REV1: variants seen among roughly 807,000 people sequenced by gnomAD.
REV1 encodes REV1 DNA directed polymerase.
REV1 carries 42 observed loss-of-function variants against 137.4 expected under a neutral mutation model. The observed-to-expected ratio is 0.31, with a 90% confidence interval of 0.24 to 0.40. The LOEUF is 0.40. Ranked by LOEUF, REV1 falls within the 10% of genes least tolerant of loss-of-function variation. The pLI, the probability that REV1 is intolerant of heterozygous loss-of-function variation, is 1.00. For synonymous variants in REV1, 524 were observed against 519.2 expected (o/e 1.01, Z -0.12); for missense variants, 1,282 against 1,490.1 (o/e 0.86, Z 2.30).
At chr2:99,461,021 C>CCTTT (rs3071414) in intron 3 of REV1, among the ~76,000 whole-genome samples, 27 of 151,318 alleles carry the variant, frequency 1.8e-4, no homozygotes, top group Non-Finnish European at 2.8e-4. Flanking sequence ...AGAAGCAATG[C>CCTTT]CTGTTTTCAT....
chr2:99,473,120 C>T (rs1303943166), intron 1 of REV1, among the ~76,000 whole-genome samples: 2 of 152,048 alleles, frequency 1.3e-5, no homozygotes, highest in African/African-American at 4.8e-5. Context: ...AATCCCAGTA[C>T]TTTGGGAGGC....
At position 99,401,053 on chromosome 2, in the gene REV1, AATT is replaced by A. The variant is rs1182288406; in HGVS notation, c.*185_*187del. On this transcript the variant is annotated 3_prime_UTR_variant, in exon 23 of 23. Coordinates refer to ENST00000258428, the MANE Select transcript of REV1 (RefSeq NM_016316.4). ...AATAGAATCTATGCTACAGTAAAAT[AATT>A]AACACAATTATTTACATGCAATACT... The A allele has an allele frequency of 2.5e-6, 1 of 392,724 alleles. No homozygotes were observed. Among genetic ancestry groups the A allele is most frequent in the African/African-American group, 2.2e-5 (1 of 46,444 alleles). The allele number at this position is 392,724 out of a possible 1,614,324, so 24.3% of individuals were successfully genotyped here.
intron 11 of REV1, among the ~76,000 whole-genome samples, chr2:99,419,540 T>C (rs1009684026): frequency 1.3e-5 from 2 of 151,992 alleles, no homozygotes; most frequent in African/African-American, 4.8e-5. Flanking sequence ...TGGGTGTCTG[T>C]AGGAATTGAA....
At chr2:99,463,601 A>G (rs937537016) in intron 2 of REV1, among the ~76,000 whole-genome samples, 12 of 152,126 alleles carry the variant, frequency 7.9e-5, no homozygotes, top group Admixed American at 7.2e-4. Flanking sequence ...ACCAATTACA[A>G]ATTTGACAAG....
chr2:99,454,623 T>TA (rs1683337363), intron 3 of REV1, among the ~76,000 whole-genome samples: 1 of 142,658 alleles, frequency 7.0e-6, no homozygotes, highest in Admixed American at 7.2e-5. Context: ...CACACACCTC[T>TA]AGTCCCAGCT....
intron 13 of REV1, 24 bp downstream of exon 13, chr2:99,412,707 C>T (rs1328921327): frequency 2.6e-6 from 4 of 1,567,630 alleles, no homozygotes; most frequent in African/African-American, 1.4e-5. Context: ...CAACAGATGG[C>T]AAAATCTGTT....
intron 3 of REV1, among the ~76,000 whole-genome samples, chr2:99,459,005 A>C (rs375682750): frequency 1.3e-5 from 2 of 152,008 alleles, no homozygotes; most frequent in African/African-American, 2.4e-5. Flanking sequence ...TCAGGAGATC[A>C]AGACCATACT....
chr2:99,463,333 A>G (rs1684440203), intron 2 of REV1, among the ~76,000 whole-genome samples: 1 of 152,004 alleles, frequency 6.6e-6, no homozygotes, highest in Non-Finnish European at 1.5e-5. Flanking sequence ...CAGCCTGACC[A>G]ACATGGTGAA....
chr2:99,460,968 G>C (rs992280222), intron 3 of REV1, among the ~76,000 whole-genome samples: 1 of 152,094 alleles, frequency 6.6e-6, no homozygotes, highest in Non-Finnish European at 1.5e-5. Context: ...ATGTGAATAA[G>C]GGTGCTCTCT....
chr2:99,407,077 G>GTTTTTTT (rs1293864331), intron 15 of REV1: 8 of 46,778 alleles, frequency 1.7e-4, no homozygotes, highest in Admixed American at 3.1e-4. Context: ...ACCTACAAAG[G>GTTTTTTT]TTCTTTTTTT....
chr2:99,418,713 T>C (rs1678227679), intron 12 of REV1, 115 bp downstream of exon 12: 1 of 976,520 alleles, frequency 1.0e-6, no homozygotes, highest in Non-Finnish European at 1.4e-6. Context: ...CAATAAGACT[T>C]AAAAATTTTT....
At chr2:99,478,280 A>C (rs994128827) in intron 1 of REV1, among the ~76,000 whole-genome samples, 3 of 152,214 alleles carry the variant, frequency 2.0e-5, no homozygotes, top group African/African-American at 7.2e-5. Context: ...CTAGTTTTCC[A>C]GAGTGCGGCC....
chr2:99,445,608 T>C (rs1281625803), intron 4 of REV1, among the ~76,000 whole-genome samples: 2 of 152,226 alleles, frequency 1.3e-5, no homozygotes, highest in African/African-American at 2.4e-5. Context: ...TTCTCATCTA[T>C]TCCACATTTC....
intron 1 of REV1, among the ~76,000 whole-genome samples, chr2:99,478,852 G>C (rs1442289319): frequency 6.6e-6 from 1 of 152,152 alleles, no homozygotes; most frequent in Non-Finnish European, 1.5e-5. Context: ...CACACACTTT[G>C]AGAACCACTG....
intron 1 of REV1, among the ~76,000 whole-genome samples, chr2:99,473,436 T>G (rs1313772049): frequency 6.6e-6 from 1 of 151,724 alleles, no homozygotes. Context: ...AAGGGCACAA[T>G]TTCCCAGAAG....
At chr2:99,451,561 G>T in intron 3 of REV1, 1 of 1,080,298 alleles carries the variant, frequency 9.3e-7, no homozygotes, top group Non-Finnish European at 1.3e-6. Flanking sequence ...TTTAATCTTA[G>T]CTTTCACACT....
chr2:99,438,257 T>G (rs1681016043), intron 6 of REV1, among the ~76,000 whole-genome samples: 1 of 152,160 alleles, frequency 6.6e-6, no homozygotes. Flanking sequence ...ATCAAACCAA[T>G]TTCATTCTTA....
intron 1 of REV1, among the ~76,000 whole-genome samples, chr2:99,473,365 C>CAAA (rs10645145): frequency 0.47 from 52,246 of 111,202 alleles, 10,578 homozygotes; most frequent in Admixed American, 0.6. Flanking sequence ...GAGACTGTCT[C>CAAA]AAAAAAAAAA....
intron 9 of REV1, chr2:99,424,819 C>T: frequency 7.7e-7 from 1 of 1,304,256 alleles, no homozygotes; most frequent in Non-Finnish European, 1.0e-6. Context: ...AGTGGCTCCA[C>T]AGTGGTTGAG....
Sources: gnomAD v4.1 joint callset for allele counts (sites outside exome capture counted in the v4.1 genomes callset) on GRCh38, gnomAD v4.1.1 for gene constraint, MANE v1.5 for transcripts, NCBI Gene and HGNC (gene_info 2026-07-23, HGNC 2026-07-21) for gene names.